The following ULK4 variants were observed in gnomAD, a reference collection of about 807,000 sequenced individuals.
The protein encoded by ULK4 is inactive serine/threonine-protein kinase ULK4.
Under a neutral mutation model 160.6 loss-of-function variants are expected in ULK4, and 133 were observed. The ratio of observed to expected loss-of-function variants is 0.83; its 90% CI spans 0.72 to 0.96. ULK4 has a LOEUF of 0.96. Ranked by LOEUF, ULK4 falls within the 40% of genes least tolerant of loss-of-function variation. The probability of loss-of-function intolerance (pLI) is 0.00; values close to 1 mark genes in which losing one functional copy is unlikely to be tolerated. For missense variants in ULK4, 1,580 were observed against 1,499.5 expected (o/e 1.05, Z -0.89); for synonymous variants, 534 against 539.8 (o/e 0.99, Z 0.15).
intron 17 of ULK4, among the ~76,000 whole-genome samples, chr3:41,857,067 G>A (rs1241461886): frequency 6.6e-6 from 1 of 151,982 alleles, no homozygotes; most frequent in Non-Finnish European, 1.5e-5. Context: ...GTTTGTAAGT[G>A]GCCACTCTCT....
At chr3:41,788,684 C>T in intron 21 of ULK4, among the ~76,000 whole-genome samples, 1 of 148,864 alleles carries the variant, frequency 6.7e-6, no homozygotes. Flanking sequence ...AGCGAGCCTC[C>T]ATCTCAAAAA....
At chr3:41,621,266 T>C (rs2033233794) in intron 30 of ULK4, among the ~76,000 whole-genome samples, 1 of 152,120 alleles carries the variant, frequency 6.6e-6, no homozygotes, top group Admixed American at 6.6e-5. Context: ...AAAAACCATT[T>C]TAAATGTCAT....
chr3:41,409,735 G>T (rs2125826069), intron 34 of ULK4, among the ~76,000 whole-genome samples: 1 of 152,224 alleles, frequency 6.6e-6, no homozygotes, highest in South Asian at 2.1e-4. Flanking sequence ...GATCACCTGA[G>T]GTCAGGAGTT....
At chr3:41,357,748 T>TA (rs1164723717) in intron 35 of ULK4, among the ~76,000 whole-genome samples, 2 of 152,324 alleles carry the variant, frequency 1.3e-5, no homozygotes, top group East Asian at 3.9e-4. Context: ...CCCTCCCACT[T>TA]ACGCTGTACC....
chr3:41,856,573 A>G (rs866392787), intron 17 of ULK4, among the ~76,000 whole-genome samples: 33 of 69,322 alleles, frequency 4.8e-4, no homozygotes, highest in South Asian at 6.8e-4. Context: ...ACATATATAT[A>G]TGTGTATATA....
intron 32 of ULK4, among the ~76,000 whole-genome samples, chr3:41,545,316 T>C (rs2086822846): frequency 6.6e-6 from 1 of 152,234 alleles, no homozygotes; most frequent in Non-Finnish European, 1.5e-5. Flanking sequence ...ATTTAGCATT[T>C]CCCTGCAGTG....
intron 32 of ULK4, among the ~76,000 whole-genome samples, chr3:41,488,916 C>T (rs2084644127): frequency 6.6e-6 from 1 of 152,040 alleles, no homozygotes; most frequent in Non-Finnish European, 1.5e-5. Context: ...GAAAATGACA[C>T]ACTCCAGCCA....
intron 32 of ULK4, among the ~76,000 whole-genome samples, chr3:41,557,470 A>G (rs1262476072): frequency 6.6e-6 from 1 of 152,024 alleles, no homozygotes; most frequent in Non-Finnish European, 1.5e-5. Context: ...TATTTAAAAC[A>G]ACAGATTGCG....
intron 35 of ULK4, among the ~76,000 whole-genome samples, chr3:41,301,213 C>T (rs2079789291): frequency 6.6e-6 from 1 of 151,976 alleles, no homozygotes; most frequent in Non-Finnish European, 1.5e-5. Context: ...AAAATCAATA[C>T]CCTGCAGGGA....
At chr3:41,414,837 C>CT (rs999417805) in intron 34 of ULK4, among the ~76,000 whole-genome samples, 4 of 152,192 alleles carry the variant, frequency 2.6e-5, no homozygotes, top group Non-Finnish European at 5.9e-5. Context: ...ACACCGTCCC[C>CT]TTTCTCTTGA....
intron 17 of ULK4, among the ~76,000 whole-genome samples, chr3:41,856,579 ATATATATACACATATATATATATG>A (rs2042361812): frequency 3.4e-5 from 2 of 58,420 alleles, no homozygotes; most frequent in Admixed American, 1.6e-4. Flanking sequence ...ATATATGTGT[ATATATATACACATATATATATATG>A]TGTATATATA....
chr3:41,934,852 T>G (rs1035851213), intron 4 of ULK4, among the ~76,000 whole-genome samples: 1 of 152,022 alleles, frequency 6.6e-6, no homozygotes, highest in Non-Finnish European at 1.5e-5. Context: ...TACAATGACT[T>G]AAGAGCTAAG....
intron 31 of ULK4, among the ~76,000 whole-genome samples, chr3:41,569,126 A>C (rs1379428945): frequency 1.3e-5 from 2 of 152,180 alleles, no homozygotes; most frequent in African/African-American, 4.8e-5. Context: ...CAACCTGTAC[A>C]TATTCAGCTA....
intron 2 of ULK4, among the ~76,000 whole-genome samples, chr3:41,949,072 C>G (rs1349027239): frequency 6.6e-6 from 1 of 151,630 alleles, no homozygotes; most frequent in African/African-American, 2.4e-5. Context: ...TTTTGGAGGC[C>G]AAGGTGGGCA....
intron 27 of ULK4, among the ~76,000 whole-genome samples, chr3:41,694,286 G>A (rs932280121): frequency 1.1e-4 from 16 of 152,164 alleles, no homozygotes; most frequent in African/African-American, 3.4e-4. Context: ...ACGTATAGCC[G>A]TCCCTCAGTA....
chr3:41,711,438 G>C (rs1327558168), intron 25 of ULK4, among the ~76,000 whole-genome samples: 1 of 152,102 alleles, frequency 6.6e-6, no homozygotes, highest in East Asian at 1.9e-4. Flanking sequence ...AGCAAACTGG[G>C]ATACAAATTC....
intron 32 of ULK4, among the ~76,000 whole-genome samples, chr3:41,488,760 G>C (rs974883343): frequency 1.3e-5 from 2 of 152,166 alleles, no homozygotes; most frequent in African/African-American, 2.4e-5. Context: ...AGTTTCAAGT[G>C]TCTTAGCTAT....
chr3:41,445,582 C>T (rs890157805), intron 34 of ULK4, among the ~76,000 whole-genome samples: 54 of 152,066 alleles, frequency 3.6e-4, no homozygotes, highest in East Asian at 7.7e-4. Context: ...TATCTACAAC[C>T]ATCTGATCTT....
Position 41,249,589 on chromosome 3 carries a change from G to C in ULK4, c.3679-15C>G, listed in dbSNP as rs896738241. 1.9e-6 allele frequency: 3 copies of C among 1,612,152 alleles called. No homozygotes were observed. The highest frequency in any genetic ancestry group is 2.5e-6 in the Non-Finnish European group (3 of 1,179,148). On this transcript the variant is annotated splice_polypyrimidine_tract_variant and intron_variant, in intron 35 of 36. Coordinates refer to ENST00000301831, the MANE Select transcript of ULK4 (RefSeq NM_017886.4). ...TTGGAGGTGATCTGCAAGGGCAGGAGGAAGAAGACAGTGGTCAGCTGACCC... is the reference window on the plus strand; with the variant it reads ...TTGGAGGTGATCTGCAAGGGCAGGACGAAGAAGACAGTGGTCAGCTGACCC...
Sources: allele counts gnomAD v4.1 joint callset (sites outside exome capture counted in the v4.1 genomes callset), GRCh38; gene constraint gnomAD v4.1.1; transcripts MANE v1.5; gene names NCBI Gene and HGNC (gene_info 2026-07-23, HGNC 2026-07-21).